The following CCDC7 variants were observed in gnomAD, a reference collection of about 807,000 sequenced individuals.
CCDC7 encodes the protein coiled-coil domain containing 7, also known as coiled-coil domain-containing protein 7.
A neutral mutation model predicts 196.9 loss-of-function variants in CCDC7; 183 were observed. The ratio of observed to expected loss-of-function variants is 0.93; its 90% confidence interval spans 0.82 to 1.05. The LOEUF is 1.05. CCDC7 is among the 50% of genes least tolerant of loss of function. The probability of loss-of-function intolerance (pLI) is 0.00; values close to 1 mark genes in which losing one functional copy is unlikely to be tolerated. For synonymous variants in CCDC7, 525 were observed against 484.6 expected, an observed-to-expected ratio of 1.08 and a Z score of -1.10; for missense variants, 1,540 against 1,482.2, an observed-to-expected ratio of 1.04 and a Z score of -0.64.
intron 13 of CCDC7, among the ~76,000 whole-genome samples, chr10:32,547,988 T>TATG (rs2052767199): frequency 6.6e-6 from 1 of 152,204 alleles, no homozygotes. Context: ...GTATCATTCT[T>TATG]ATGTCTTTGC....
intron 18 of CCDC7, among the ~76,000 whole-genome samples, chr10:32,588,148 C>T (rs896180213): frequency 2.6e-5 from 4 of 152,170 alleles, no homozygotes; most frequent in Admixed American, 6.5e-5. Context: ...GGCACTCCTC[C>T]GATGTGGCTC....
chr10:32,838,450 C>T (rs978802005), intron 33 of CCDC7, among the ~76,000 whole-genome samples: 3 of 151,868 alleles, frequency 2.0e-5, no homozygotes, highest in Non-Finnish European at 4.4e-5. Context: ...CAAGAATTTT[C>T]AAAAATGAAC....
chr10:32,640,732 T>C (rs2066592078), intron 20 of CCDC7, among the ~76,000 whole-genome samples: 1 of 152,160 alleles, frequency 6.6e-6, no homozygotes, highest in South Asian at 2.1e-4. Context: ...AGCATTTGCT[T>C]GTCCGTAAAG....
intron 11 of CCDC7, among the ~76,000 whole-genome samples, chr10:32,528,837 G>A (rs2049170810): frequency 6.7e-6 from 1 of 149,664 alleles, no homozygotes; most frequent in African/African-American, 2.5e-5. Context: ...CTCATCGATT[G>A]ATGGGCATTT....
At chr10:32,540,322 G>A (rs575844850) in intron 11 of CCDC7, among the ~76,000 whole-genome samples, 15 of 152,132 alleles carry the variant, frequency 9.9e-5, no homozygotes, top group Admixed American at 7.9e-4. Context: ...GTCCCATTTT[G>A]CCTGAAATTA....
chr10:32,570,890 G>T (rs1590031395), intron 15 of CCDC7, among the ~76,000 whole-genome samples: 1 of 151,976 alleles, frequency 6.6e-6, no homozygotes, highest in East Asian at 1.9e-4. Flanking sequence ...AACTGAATTA[G>T]ATGAAAATCA....
At chr10:32,452,635 T>G (rs2033368245) in intron 1 of CCDC7, among the ~76,000 whole-genome samples, 1 of 151,964 alleles carries the variant, frequency 6.6e-6, no homozygotes, top group African/African-American at 2.4e-5. Context: ...TTTTTGTACT[T>G]TTAGTAGAGA....
chr10:32,463,104 G>A (rs1035320997), intron 5 of CCDC7, 55 bp downstream of exon 6: 96 of 1,597,482 alleles, frequency 6.0e-5, no homozygotes, highest in South Asian at 4.9e-4. Flanking sequence ...CATTTGAAAA[G>A]CAATTTGGAT....
At chr10:32,567,042 A>ATATATAATATATAT (rs1564678059) in intron 14 of CCDC7, among the ~76,000 whole-genome samples, 1 of 143,482 alleles carries the variant, frequency 7.0e-6, no homozygotes, top group African/African-American at 2.6e-5. Context: ...AATATAGCTA[A>ATATATAATATATAT]TATATATATA....
At chr10:32,584,334 A>G in intron 18 of CCDC7, 30 bp downstream of exon 19, 1 of 1,324,618 alleles carries the variant, frequency 7.5e-7, no homozygotes, top group Non-Finnish European at 1.1e-6. Context: ...GAAGATGAAA[A>G]TGTGATTGAA....
chr10:32,637,682 C>G (rs1490060803), intron 20 of CCDC7, among the ~76,000 whole-genome samples: 1 of 152,116 alleles, frequency 6.6e-6, no homozygotes, highest in Non-Finnish European at 1.5e-5. Context: ...CAGCTTTGTT[C>G]TTTTGGCTTA....
At chr10:32,662,049 G>T (rs184505075) in intron 20 of CCDC7, among the ~76,000 whole-genome samples, 97 of 152,246 alleles carry the variant, frequency 6.4e-4, no homozygotes, top group African/African-American at 2.1e-3. Context: ...CAACAGCAGG[G>T]ATATGCAATT....
chr10:32,779,030 A>G lies in CCDC7; in HGVS notation c.2959A>G (p.Met987Val), dbSNP rs73255967. ...AGATACAGCAGAAAATCTTCCAGCA[A>G]TGTACCCGTCAATTAGCGACCTAAT... is the stretch of plus-strand genomic sequence containing the variant. The change falls in exon 29 of 42, where the codon ATG becomes GTG. Residue 987 changes from methionine (M) to valine (V), a missense_variant. By Grantham distance (21) the Met-to-Val change is conservative. Transcript: ENST00000639629. The G allele has an allele frequency of 0.01, 15,752 of 1,550,164 alleles. 1,281 individuals carry two copies. In the African/African-American group the frequency reaches 0.18, roughly 18 times the overall value.
chr10:32,768,153 G>C (rs1163921602), intron 28 of CCDC7, among the ~76,000 whole-genome samples: 1 of 152,056 alleles, frequency 6.6e-6, no homozygotes, highest in Non-Finnish European at 1.5e-5. Context: ...TATGTATTTA[G>C]TACTTGTATT....
chr10:32,822,302 G>A (rs1012650064), intron 31 of CCDC7, among the ~76,000 whole-genome samples: 2 of 152,022 alleles, frequency 1.3e-5, no homozygotes, highest in Non-Finnish European at 2.9e-5. Context: ...TTATATAATT[G>A]TATCATTGGG....
At chr10:32,870,841 T>G (rs959966511) in intron 41 of CCDC7, among the ~76,000 whole-genome samples, 28 of 152,198 alleles carry the variant, frequency 1.8e-4, no homozygotes, top group African/African-American at 6.3e-4. Flanking sequence ...TTTCCGCATC[T>G]ATTGAGATTA....
rs894474751 is a variant in CCDC7 at position 32,518,633 on chromosome 10, G to A, written c.993+128G>A. 4.5e-4 allele frequency: 320 copies of A among 707,802 alleles called. 1 individual carries two copies. Among genetic ancestry groups the A allele is most frequent in the Admixed American group, 2.1e-3 (49 of 23,018 alleles). 43.8% of individuals were successfully genotyped at this position (707,802 alleles called of 1,614,324 possible). A position where few individuals can be genotyped will look rare whatever the true frequency, so the allele number is the denominator to read the frequency against. ...ACTATTAATAATTCGTAGCAGCTAT[G>A]CTTTAAAAATAAAATTATGCCATAT... is the stretch of plus-strand genomic sequence containing the variant. On this transcript the variant is annotated intron_variant, in intron 11 of 41. Transcript: ENST00000639629.
intron 13 of CCDC7, among the ~76,000 whole-genome samples, chr10:32,556,918 A>G (rs1238138894): frequency 6.6e-6 from 1 of 152,190 alleles, no homozygotes; most frequent in African/African-American, 2.4e-5. Context: ...ACTTAGTCCC[A>G]TCCCATGGTT....
chr10:32,816,535 C>A (rs1213249643), intron 31 of CCDC7, among the ~76,000 whole-genome samples: 1 of 152,208 alleles, frequency 6.6e-6, no homozygotes, highest in Non-Finnish European at 1.5e-5. Context: ...GACAGACTGC[C>A]TCCTCAAGTG....
Sources: gnomAD v4.1 joint callset for allele counts (sites outside exome capture counted in the v4.1 genomes callset) on GRCh38, gnomAD v4.1.1 for gene constraint, MANE v1.5 for transcripts, NCBI Gene and HGNC (gene_info 2026-07-23, HGNC 2026-07-21) for gene names.